Variants in NHS observed in about 807,000 individuals in gnomAD.
NHS encodes NHS actin remodeling regulator.
In NHS, 5 loss-of-function variants were observed where a neutral mutation model predicts 72.5. The ratio of observed to expected loss-of-function variants is 0.07; its 90% CI spans 0.04 to 0.14. The LOEUF is 0.14. NHS is among the 10% of genes least tolerant of loss of function. The probability of loss-of-function intolerance (pLI) is 1.00; values close to 1 mark genes in which losing one functional copy is unlikely to be tolerated. For missense variants in NHS, 1,072 were observed against 1,355.7 expected, an observed-to-expected ratio of 0.79 and a Z score of 3.29; for synonymous variants, 464 against 547.7, an observed-to-expected ratio of 0.85 and a Z score of 2.13.
In NHS at chrX:17,734,881, GTTT is replaced by G. The variant is rs750917593; in HGVS notation, c.*2421_*2423del. 3 of 112,509 alleles carry G rather than the reference GTTT, an allele frequency of 2.7e-5. No individual in the cohort carries two copies. Among genetic ancestry groups the G allele is most frequent in the Admixed American group, 9.4e-5 (1 of 10,613 alleles). 9.3% of individuals were successfully genotyped at this position (112,509 alleles called of 1,213,427 possible). A position where few individuals can be genotyped will look rare whatever the true frequency, so the allele number is the denominator to read the frequency against. ...CAGTATGGCTTTTGTGTAGTTAGGGGTTTTTTAAGTGTGAAGAAAGGTATGTGG... is the reference window on the plus strand; with the variant it reads ...CAGTATGGCTTTTGTGTAGTTAGGGGTTTAAGTGTGAAGAAAGGTATGTGG... On this transcript the variant is annotated 3_prime_UTR_variant, in exon 9 of 9. Coordinates refer to ENST00000676302, the MANE Select transcript of NHS (RefSeq NM_001291867.2).
intron 1 of NHS, among the ~76,000 whole-genome samples, chrX:17,458,748 C>T (rs185696351): frequency 8.9e-6 from 1 of 112,261 alleles, no homozygotes; most frequent in Non-Finnish European, 1.9e-5. Flanking sequence ...CTGCCCTGGC[C>T]TCCAAAAGTA....
intron 1 of NHS, among the ~76,000 whole-genome samples, chrX:17,647,382 A>T (rs187805452): frequency 1.8e-3 from 204 of 112,390 alleles, no homozygotes; most frequent in Non-Finnish European, 2.7e-3. Context: ...CAAGGTTGAG[A>T]ACACTGCTTT....
At chrX:17,697,229 CAAAAT>C (rs2066236434) in intron 3 of NHS, among the ~76,000 whole-genome samples, 1 of 110,965 alleles carries the variant, frequency 9.0e-6, no homozygotes, top group South Asian at 3.9e-4. Context: ...CCCTGCAAGA[CAAAAT>C]AAAACCAAAA....
At chrX:17,480,205 C>T (rs2064940582) in intron 1 of NHS, among the ~76,000 whole-genome samples, 1 of 111,368 alleles carries the variant, frequency 9.0e-6, no homozygotes, top group East Asian at 2.8e-4. Flanking sequence ...CCATACTGCC[C>T]AAAATAATTT....
At chrX:17,473,587 A>G (rs1040175237) in intron 1 of NHS, among the ~76,000 whole-genome samples, 3 of 112,490 alleles carry the variant, frequency 2.7e-5, no homozygotes, top group African/African-American at 9.7e-5. Flanking sequence ...ATGTGAATCT[A>G]CTTTTTCAAC....
intron 1 of NHS, among the ~76,000 whole-genome samples, chrX:17,400,591 GAAA>G (rs1201824485): frequency 1.3e-5 from 1 of 78,510 alleles, no homozygotes; most frequent in African/African-American, 4.7e-5. Context: ...ATGTCAAAAA[GAAA>G]AAAAAAAAGA....
At chrX:17,414,122 T>A (rs1249132586) in intron 1 of NHS, among the ~76,000 whole-genome samples, 1 of 112,530 alleles carries the variant, frequency 8.9e-6, no homozygotes, top group Non-Finnish European at 1.9e-5. Flanking sequence ...ATCTGCCAGG[T>A]CAAATTTCCA....
chrX:17,407,452 A>G (rs2064534505), intron 1 of NHS, among the ~76,000 whole-genome samples: 1 of 111,487 alleles, frequency 9.0e-6, no homozygotes, highest in Admixed American at 9.5e-5. Flanking sequence ...TGGGTCTTTT[A>G]TGATCTGGCT....
chrX:17,559,974 A>T (rs1021811773), intron 1 of NHS, among the ~76,000 whole-genome samples: 3 of 111,661 alleles, frequency 2.7e-5, no homozygotes, highest in African/African-American at 9.8e-5. Context: ...TTTACCCTGG[A>T]ATCCTTGTAT....
At chrX:17,531,657 G>T (rs1015973669) in intron 1 of NHS, among the ~76,000 whole-genome samples, 20 of 112,870 alleles carry the variant, frequency 1.8e-4, no homozygotes, top group African/African-American at 6.4e-4. Context: ...GGCCTCTAGG[G>T]TGGGCCCTGG....
chrX:17,487,882 A>C (rs1412410851), intron 1 of NHS, among the ~76,000 whole-genome samples: 2 of 111,755 alleles, frequency 1.8e-5, no homozygotes, highest in Non-Finnish European at 3.8e-5. Context: ...GTGCAGATTG[A>C]CAGCTCTGAA....
intron 1 of NHS, among the ~76,000 whole-genome samples, chrX:17,521,770 T>G (rs1440225493): frequency 1.8e-5 from 2 of 112,701 alleles, no homozygotes; most frequent in Non-Finnish European, 3.7e-5. Flanking sequence ...CTGCTTAATT[T>G]TCTTCTTTTA....
At chrX:17,717,236 G>C (rs1178092739) in intron 3 of NHS, among the ~76,000 whole-genome samples, 1 of 112,532 alleles carries the variant, frequency 8.9e-6, no homozygotes, top group East Asian at 2.8e-4. Flanking sequence ...CAAAGTGCTG[G>C]AATTACAGGC....
chrX:17,698,463 C>T (rs1029298463), intron 3 of NHS, among the ~76,000 whole-genome samples: 1 of 111,627 alleles, frequency 9.0e-6, no homozygotes, highest in Admixed American at 9.5e-5. Flanking sequence ...ATTAAGGAGC[C>T]ATGCCACTAA....
intron 1 of NHS, among the ~76,000 whole-genome samples, chrX:17,504,530 C>T (rs995613225): frequency 9.8e-5 from 11 of 112,226 alleles, no homozygotes; most frequent in Middle Eastern, 4.6e-3. Context: ...TTTCTCTCAC[C>T]CTCTTCTTAC....
chrX:17,533,021 A>G (rs775536130), intron 1 of NHS, among the ~76,000 whole-genome samples: 13 of 112,047 alleles, frequency 1.2e-4, no homozygotes, highest in Non-Finnish European at 2.3e-4. Context: ...AGCTCTGCAG[A>G]GCAGGGCCTA....
Position 17,726,417 on chromosome X carries a change from G to A in NHS, c.2311G>A (p.Ala771Thr). The A allele has an allele frequency of 8.3e-7, 1 of 1,212,086 alleles. No individual in the cohort carries two copies. Among genetic ancestry groups the A allele is most frequent in the Non-Finnish European group, 1.1e-6 (1 of 895,548 alleles). Residue 771 changes from alanine to threonine, a missense_variant, in exon 7 of 9, where the codon GCG becomes ACG. Ala to Thr is a moderately conservative substitution (Grantham distance 58). Coordinates refer to ENST00000676302, the MANE Select transcript of NHS (RefSeq NM_001291867.2). The part of the protein sequence containing the change: ...SFLEKSPSDK[A>T]DTSSHFSVDT... ...TCTGGAAAAGTCTCCATCAGACAAA[G>A]CGGACACTAGCTCTCACTTTTCAGT...
At chrX:17,409,055 T>C (rs1407736281) in intron 1 of NHS, among the ~76,000 whole-genome samples, 1 of 111,589 alleles carries the variant, frequency 9.0e-6, no homozygotes, top group Non-Finnish European at 1.9e-5. Context: ...TCCACCCTCA[T>C]GAACTTGTTT....
chrX:17,423,078 G>A (rs2064632239), intron 1 of NHS, among the ~76,000 whole-genome samples: 1 of 111,959 alleles, frequency 8.9e-6, no homozygotes, highest in Non-Finnish European at 1.9e-5. Context: ...ATAGGCCTGG[G>A]ATAGACATGA....
Sources: allele counts gnomAD v4.1 joint callset (sites outside exome capture counted in the v4.1 genomes callset), GRCh38; gene constraint gnomAD v4.1.1; transcripts MANE v1.5; gene names NCBI Gene and HGNC (gene_info 2026-07-23, HGNC 2026-07-21).